Variants in NTNG1 observed in about 807,000 individuals in gnomAD.
NTNG1 encodes netrin-G1.
In NTNG1, 16 loss-of-function variants were observed where a neutral mutation model predicts 54.0. That is an observed-to-expected ratio of 0.30 (90% CI 0.20 to 0.45). NTNG1 has a LOEUF of 0.45. Among genes scored for constraint, NTNG1 ranks in the 20% least tolerant of loss-of-function variants. The probability of loss-of-function intolerance (pLI) is 1.00; values close to 1 mark genes in which losing one functional copy is unlikely to be tolerated. For missense variants in NTNG1, 530 were observed against 678.7 expected (o/e 0.78, Z 2.43); for synonymous variants, 255 against 263.1 (o/e 0.97, Z 0.30).
chr1:107,168,104 C>A (rs1436336748), intron 2 of NTNG1, among the ~76,000 whole-genome samples: 1 of 152,020 alleles, frequency 6.6e-6, no homozygotes, highest in Admixed American at 6.6e-5. Context: ...CAAGATTATT[C>A]ATGAAGTCTA....
chr1:107,150,979 G>A (rs371165551), intron 2 of NTNG1, among the ~76,000 whole-genome samples: 39 of 152,272 alleles, frequency 2.6e-4, no homozygotes, highest in Middle Eastern at 3.4e-3. Context: ...ATGAAACTCC[G>A]TAGGACAGTC....
intron 2 of NTNG1, among the ~76,000 whole-genome samples, chr1:107,252,436 T>C (rs552214231): frequency 9.8e-5 from 15 of 152,322 alleles, no homozygotes; most frequent in Non-Finnish European, 2.1e-4. Context: ...CAGGTAATCA[T>C]GCCAATATCT....
intron 5 of NTNG1, among the ~76,000 whole-genome samples, chr1:107,429,485 C>G (rs1022253749): frequency 5.9e-5 from 9 of 151,946 alleles, no homozygotes; most frequent in Non-Finnish European, 1.3e-4. Context: ...CAACACCTAG[C>G]CAAGTTCCTG....
intron 2 of NTNG1, among the ~76,000 whole-genome samples, chr1:107,287,503 C>T (rs1331326960): frequency 6.6e-6 from 1 of 152,160 alleles, no homozygotes; most frequent in Non-Finnish European, 1.5e-5. Flanking sequence ...GTCCCGACTA[C>T]TCAGGAGACT....
intron 3 of NTNG1, among the ~76,000 whole-genome samples, chr1:107,325,785 TAAG>T (rs1667918728): frequency 6.6e-6 from 1 of 151,922 alleles, no homozygotes; most frequent in Non-Finnish European, 1.5e-5. Context: ...AAAGTAAAGG[TAAG>T]AGCAGAGTAT....
At chr1:107,246,408 CAAA>C (rs61237534) in intron 2 of NTNG1, among the ~76,000 whole-genome samples, 100 of 138,482 alleles carry the variant, frequency 7.2e-4, no homozygotes, top group African/African-American at 9.4e-4. Flanking sequence ...CTTGTTTAAG[CAAA>C]AAAAAAAAAA....
chr1:107,417,289 A>T (rs1360536858), intron 5 of NTNG1, among the ~76,000 whole-genome samples: 2 of 152,114 alleles, frequency 1.3e-5, no homozygotes, highest in Admixed American at 6.6e-5. Context: ...GTATGAGAAC[A>T]CAGCGAAAGA....
At chr1:107,416,386 A>G (rs1674205254) in intron 5 of NTNG1, among the ~76,000 whole-genome samples, 1 of 152,152 alleles carries the variant, frequency 6.6e-6, no homozygotes, top group South Asian at 2.1e-4. Context: ...TGTTAGATAC[A>G]CAATACAGAA....
chr1:107,430,888 C>CA lies in NTNG1; in HGVS notation c.1227dup (p.Gln410ThrfsTer5). The CA allele has an allele frequency of 6.2e-7, 1 of 1,613,098 alleles. No individual in the cohort carries two copies. The highest frequency in any genetic ancestry group is 1.1e-5 in the South Asian group (1 of 91,046). On this transcript the variant is annotated frameshift_variant, in exon 6 of 8. Transcript: ENST00000370068. LOFTEE classifies it high-confidence loss of function. ...CTGGGCTACTTCAGAAATGCTTCTG[C>CA]ACAACTGGACGATGAGAATGTGTGC... is the stretch of plus-strand genomic sequence containing the variant.
chr1:107,283,295 C>T (rs1243750223), intron 2 of NTNG1, among the ~76,000 whole-genome samples: 1 of 152,094 alleles, frequency 6.6e-6, no homozygotes, highest in Non-Finnish European at 1.5e-5. Flanking sequence ...GCCATGAGTG[C>T]TCTGTCTCCT....
rs148061714 is a variant in NTNG1 at position 107,441,034 on chromosome 1, G to T, written c.1390+4235G>T. Among the ~76,000 whole-genome samples the T allele has an allele frequency of 2.2e-5, 3 of 138,346 alleles. No individual in the cohort carries two copies. In the East Asian group the frequency reaches 6.5e-4, roughly 30 times the overall value. The allele number at this position is 138,346 out of a possible 152,430, so 90.8% of individuals were successfully genotyped here. On this transcript the variant is annotated intron_variant, in intron 7 of 7. Transcript: ENST00000370068. ...CAATAGAAAAATGAGACATTGGAAA[G>T]AAAGAGAAAAAAAGTTTTAAATGAT...
At chr1:107,273,562 A>G (rs1425768042) in intron 2 of NTNG1, among the ~76,000 whole-genome samples, 1 of 152,210 alleles carries the variant, frequency 6.6e-6, no homozygotes, top group African/African-American at 2.4e-5. Context: ...TGTCTTTCCC[A>G]GCTTCTTTTC....
intron 3 of NTNG1, among the ~76,000 whole-genome samples, chr1:107,385,874 A>G (rs1014530882): frequency 6.0e-5 from 9 of 150,402 alleles, no homozygotes; most frequent in South Asian, 2.1e-4. Context: ...GGTTTTTAGT[A>G]TATTCAAAAT....
Position 107,429,156 on chromosome 1 carries a change from CT to C in NTNG1, c.1088-1590del, listed in dbSNP as rs149868462. On this transcript the variant is annotated intron_variant, in intron 5 of 7. Coordinates refer to ENST00000370068, the MANE Select transcript of NTNG1 (RefSeq NM_001113226.3). ...GCATCCCCCCTTTCTTCTTGCCTCT[CT>C]TTTAGCAACTGGGGTCCCGAAGTTG... Among the ~76,000 whole-genome samples, 1,520 of 152,174 alleles carry C rather than the reference CT, an allele frequency of 1.0e-2. 23 individuals carry two copies. Among genetic ancestry groups the C allele is most frequent in the African/African-American group, 0.035 (1,443 of 41,520 alleles).
chr1:107,289,271 A>T (rs988042503), intron 2 of NTNG1, among the ~76,000 whole-genome samples: 5 of 152,080 alleles, frequency 3.3e-5, no homozygotes, highest in Non-Finnish European at 7.4e-5. Context: ...TTGTGCTATT[A>T]GTTATTACCT....
chr1:107,435,627 G>A (rs1675547352), intron 6 of NTNG1, among the ~76,000 whole-genome samples: 1 of 152,030 alleles, frequency 6.6e-6, no homozygotes, highest in African/African-American at 2.4e-5. Context: ...TGCCAAACTT[G>A]ATTATATTAA....
intron 3 of NTNG1, among the ~76,000 whole-genome samples, chr1:107,394,020 C>A (rs933576753): frequency 2.0e-5 from 3 of 151,648 alleles, no homozygotes; most frequent in Non-Finnish European, 4.4e-5. Context: ...TTCTCTCTCA[C>A]ACACACACAC....
intron 2 of NTNG1, among the ~76,000 whole-genome samples, chr1:107,152,805 A>G (rs567732596): frequency 1.7e-4 from 26 of 152,346 alleles, no homozygotes; most frequent in African/African-American, 4.6e-4. Flanking sequence ...CTTTAATTAC[A>G]AGTAGACTCA....
chr1:107,433,453 G>A (rs1380770730), intron 6 of NTNG1, among the ~76,000 whole-genome samples: 1 of 152,224 alleles, frequency 6.6e-6, no homozygotes, highest in Non-Finnish European at 1.5e-5. Flanking sequence ...GGCTGAGGCA[G>A]GAGAATCAGT....
Sources: gnomAD v4.1 joint callset for allele counts (sites outside exome capture counted in the v4.1 genomes callset) on GRCh38, gnomAD v4.1.1 for gene constraint, MANE v1.5 for transcripts, NCBI Gene and HGNC (gene_info 2026-07-23, HGNC 2026-07-21) for gene names.